Variants in SCHIP1 observed in about 807,000 individuals in gnomAD.
The protein encoded by SCHIP1 is schwannomin-interacting protein 1.
In SCHIP1, 8 loss-of-function variants were observed where a neutral mutation model predicts 29.7. That is an observed-to-expected ratio of 0.27 (90% CI 0.16 to 0.49). The LOEUF is 0.49. Ranked by LOEUF, SCHIP1 falls within the 20% of genes least tolerant of loss-of-function variation. The pLI is 0.99. For missense variants in SCHIP1, 193 were observed against 294.6 expected (o/e 0.66, Z 2.52); for synonymous variants, 76 against 94.9 (o/e 0.80, Z 1.16).
At chr3:159,556,956 A>G in the SCHIP1 span, among the ~76,000 whole-genome samples, 1 of 151,542 alleles carries the variant, frequency 6.6e-6, no homozygotes, top group East Asian at 1.9e-4. Context: ...AATTTAAAAA[A>G]AAAAGATTTT....
chr3:159,328,708 G>C, the SCHIP1 span, among the ~76,000 whole-genome samples: 1 of 152,160 alleles, frequency 6.6e-6, no homozygotes, highest in African/African-American at 2.4e-5. Context: ...GCCAGGCTGG[G>C]TGTTTGGGCA....
chr3:159,356,900 A>G, the SCHIP1 span, among the ~76,000 whole-genome samples: 18 of 152,350 alleles, frequency 1.2e-4, no homozygotes, highest in Middle Eastern at 3.4e-3. Context: ...GCAGTTCTAA[A>G]TTATACTTCT....
the SCHIP1 span, chr3:159,765,447 T>G: frequency 1.0e-5 from 3 of 298,068 alleles, no homozygotes; most frequent in East Asian, 6.6e-5. Context: ...TGTGAGTCAC[T>G]TGCCTGAAAA....
At chr3:159,685,533 A>C in the SCHIP1 span, among the ~76,000 whole-genome samples, 523 of 152,338 alleles carry the variant, frequency 3.4e-3, 5 homozygotes, top group African/African-American at 0.012. Flanking sequence ...GATGTAATTA[A>C]ATTTTTCTCA....
chr3:159,383,093 C>T, the SCHIP1 span, among the ~76,000 whole-genome samples: 1 of 149,376 alleles, frequency 6.7e-6, no homozygotes, highest in Non-Finnish European at 1.5e-5. Context: ...TTTTGCTGTG[C>T]AAAAGCTCTT....
the SCHIP1 span, among the ~76,000 whole-genome samples, chr3:159,505,797 G>A: frequency 1.3e-5 from 2 of 152,314 alleles, no homozygotes; most frequent in East Asian, 3.9e-4. Flanking sequence ...CAAAGGAAAT[G>A]AAATCACCAT....
At chr3:159,611,134 A>G in the SCHIP1 span, among the ~76,000 whole-genome samples, 1 of 152,192 alleles carries the variant, frequency 6.6e-6, no homozygotes, top group Non-Finnish European at 1.5e-5. Context: ...AATATAATTC[A>G]GAAGCAAAAT....
At chr3:159,452,524 C>T in the SCHIP1 span, among the ~76,000 whole-genome samples, 15 of 152,144 alleles carry the variant, frequency 9.9e-5, no homozygotes, top group African/African-American at 3.4e-4. Flanking sequence ...TGTATATGTG[C>T]CATATTTTCT....
chr3:159,350,753 C>A, the SCHIP1 span, among the ~76,000 whole-genome samples: 2 of 151,932 alleles, frequency 1.3e-5, no homozygotes, highest in East Asian at 3.9e-4. Flanking sequence ...CTCATTTTTT[C>A]CCCTGGTGGC....
chr3:159,554,912 T>A, the SCHIP1 span, among the ~76,000 whole-genome samples: 2 of 152,038 alleles, frequency 1.3e-5, no homozygotes, highest in African/African-American at 2.4e-5. Flanking sequence ...GTTTGTTTAT[T>A]AAGCCACAAG....
chr3:159,381,743 G>A, the SCHIP1 span, among the ~76,000 whole-genome samples: 2 of 152,030 alleles, frequency 1.3e-5, no homozygotes, highest in Non-Finnish European at 2.9e-5. Flanking sequence ...CTATAGGCAT[G>A]CACCACCATG....
At chr3:159,338,320 G>A in the SCHIP1 span, among the ~76,000 whole-genome samples, 1 of 152,186 alleles carries the variant, frequency 6.6e-6, no homozygotes, top group Non-Finnish European at 1.5e-5. Context: ...AAAAGGTGAT[G>A]TCAAACCCTG....
chr3:159,571,341 A>T, the SCHIP1 span, among the ~76,000 whole-genome samples: 1 of 152,032 alleles, frequency 6.6e-6, no homozygotes, highest in East Asian at 1.9e-4. Flanking sequence ...TAGCATGAAG[A>T]TCTGTTGAAT....
At chr3:159,526,619 C>T in the SCHIP1 span, among the ~76,000 whole-genome samples, 1 of 152,200 alleles carries the variant, frequency 6.6e-6, no homozygotes, top group African/African-American at 2.4e-5. Flanking sequence ...ATTAGAGATG[C>T]AGGCCTAGGT....
chr3:159,554,252 C>T, the SCHIP1 span, among the ~76,000 whole-genome samples: 7 of 152,010 alleles, frequency 4.6e-5, no homozygotes, highest in African/African-American at 1.7e-4. Flanking sequence ...AAACTGGATG[C>T]CATAGAAATG....
At chr3:159,802,162 G>A in the SCHIP1 span, among the ~76,000 whole-genome samples, 2 of 152,150 alleles carry the variant, frequency 1.3e-5, no homozygotes, top group Admixed American at 1.3e-4. Context: ...TGGGTGCATT[G>A]TCCATATTAG....
chr3:159,543,725 A>G, the SCHIP1 span, among the ~76,000 whole-genome samples: 2 of 152,076 alleles, frequency 1.3e-5, no homozygotes, highest in Non-Finnish European at 2.9e-5. Context: ...TCCTTTGGGT[A>G]TACACCCAGT....
intron 1 of SCHIP1, among the ~76,000 whole-genome samples, chr3:159,859,214 G>A (rs1713752358): frequency 1.3e-5 from 2 of 152,180 alleles, no homozygotes; most frequent in African/African-American, 4.8e-5. Context: ...CTTCTAGAAT[G>A]CTGTTTTTAT....
chr3:159,368,067 A>T, the SCHIP1 span, among the ~76,000 whole-genome samples: 3 of 152,136 alleles, frequency 2.0e-5, no homozygotes, highest in East Asian at 5.8e-4. Context: ...TCCATGTCAA[A>T]CATTTTTCCT....
Sources: gnomAD v4.1 joint callset for allele counts (sites outside exome capture counted in the v4.1 genomes callset) on GRCh38, gnomAD v4.1.1 for gene constraint, MANE v1.5 for transcripts, NCBI Gene and HGNC (gene_info 2026-07-23, HGNC 2026-07-21) for gene names.